The following MCF2L variants were observed in gnomAD, a reference collection of about 807,000 sequenced individuals.
MCF2L encodes the protein guanine nucleotide exchange factor DBS.
A neutral mutation model predicts 153.4 loss-of-function variants in MCF2L; 97 were observed. The ratio of observed to expected loss-of-function variants is 0.63; its 90% confidence interval spans 0.54 to 0.75. The LOEUF (loss-of-function observed/expected upper bound fraction) is 0.75. Ranked by LOEUF, MCF2L falls within the 30% of genes least tolerant of loss-of-function variation. MCF2L has a pLI of 0.00. For synonymous variants in MCF2L, 659 were observed against 632.2 expected (o/e 1.04, Z -0.64); for missense variants, 1,347 against 1,495.2 (o/e 0.90, Z 1.64).
chr13:112,989,665 G>A (rs1358743808), intron 1 of MCF2L, among the ~76,000 whole-genome samples: 3 of 77,058 alleles, frequency 3.9e-5, no homozygotes, highest in East Asian at 4.3e-4. Context: ...TACCACACCC[G>A]AGTCCTCCCT....
intron 2 of MCF2L, chr13:112,917,488 G>T (rs552759090): frequency 7.5e-5 from 23 of 307,930 alleles, no homozygotes; most frequent in African/African-American, 1.1e-4. Flanking sequence ...CCTCCCCACC[G>T]CCGTCTCGCA....
intron 2 of MCF2L, among the ~76,000 whole-genome samples, chr13:112,959,956 A>G (rs996377116): frequency 2.0e-5 from 3 of 152,340 alleles, no homozygotes; most frequent in Non-Finnish European, 4.4e-5. Context: ...TGACGGCAGC[A>G]GCACCTCCTG....
At chr13:113,009,634 G>A (rs537910604) in intron 1 of MCF2L, 2 of 152,320 alleles carry the variant, frequency 1.3e-5, no homozygotes, top group Admixed American at 1.3e-4. Context: ...CGGGGATGCT[G>A]GCCTCCTGGG....
At chr13:113,004,727 G>A (rs1250932226) in intron 1 of MCF2L, among the ~76,000 whole-genome samples, 3 of 152,256 alleles carry the variant, frequency 2.0e-5, no homozygotes, top group African/African-American at 4.8e-5. Context: ...CAGGGCCAGT[G>A]AGTGTCTTTC....
intron 2 of MCF2L, among the ~76,000 whole-genome samples, chr13:112,930,953 A>G (rs938023445): frequency 4.6e-5 from 7 of 152,180 alleles, no homozygotes. Context: ...ATAAATAAAT[A>G]GTAAAAATCA....
At chr13:112,936,451 G>A (rs978640469) in intron 2 of MCF2L, among the ~76,000 whole-genome samples, 3 of 152,224 alleles carry the variant, frequency 2.0e-5, no homozygotes, top group Middle Eastern at 3.4e-3. Flanking sequence ...ACCCTCTGCC[G>A]TCTAATGCAG....
intron 20 of MCF2L, 57 bp downstream of exon 20, chr13:113,085,235 G>A (rs2034518338): frequency 3.9e-6 from 6 of 1,539,786 alleles, no homozygotes; most frequent in South Asian, 2.3e-5. Context: ...CCAGGTGTCT[G>A]TGCCGCCCTG....
intron 27 of MCF2L, chr13:113,095,390 G>T (rs1372966132): frequency 2.7e-6 from 3 of 1,125,578 alleles, no homozygotes; most frequent in Non-Finnish European, 3.3e-6. Flanking sequence ...GAAGGCCTGG[G>T]CGTGAGAACA....
chr13:112,979,636 C>A (rs751001072), intron 1 of MCF2L: 1 of 1,612,478 alleles, frequency 6.2e-7, no homozygotes, highest in South Asian at 1.1e-5. Flanking sequence ...GCTGCCTCCG[C>A]TTTGTAGCAG....
intron 2 of MCF2L, among the ~76,000 whole-genome samples, chr13:112,963,240 A>G (rs1034191707): frequency 1.3e-5 from 2 of 152,174 alleles, no homozygotes; most frequent in African/African-American, 4.8e-5. Context: ...ACTGGGGCCC[A>G]GGCATGTCTC....
Position 113,032,347 on chromosome 13 carries a change from AT to A in MCF2L, c.278+7592del, listed in dbSNP as rs1277536489. Among the ~76,000 whole-genome samples the A allele has an allele frequency of 3.3e-5, 5 of 152,272 alleles. No homozygotes were observed. In the East Asian group the frequency reaches 9.7e-4, roughly 29 times the overall value. On this transcript the variant is annotated intron_variant, in intron 3 of 29. Coordinates refer to ENST00000535094, the MANE Select transcript of MCF2L (RefSeq NM_001112732.3). ...TGAGCGTGTGTGAGCGTGCTAAACA[AT>A]TTAATACGTGTGCATTAAAAAGTGA...
intron 29 of MCF2L, 49 bp from the exon 30 acceptor site, chr13:113,096,725 G>A (rs1442914707): frequency 8.4e-6 from 13 of 1,552,486 alleles, no homozygotes; most frequent in South Asian, 8.2e-5. Context: ...CCCCGTGTGT[G>A]CCCGGCAGAG....
chr13:112,964,506 TG>T (rs1198932770), upstream of MCF2L, among the ~76,000 whole-genome samples: 1 of 152,240 alleles, frequency 6.6e-6, no homozygotes, highest in Non-Finnish European at 1.5e-5. Context: ...ATAAAAATCA[TG>T]TACAGATTTC....
chr13:113,010,061 TC>T (rs1343660117), intron 1 of MCF2L: 2 of 152,330 alleles, frequency 1.3e-5, no homozygotes, highest in East Asian at 3.8e-4. Flanking sequence ...CTGGGCCTCT[TC>T]CTGCTGCCAG....
chr13:113,071,994 A>G (rs2032966582), intron 9 of MCF2L, among the ~76,000 whole-genome samples: 1 of 152,240 alleles, frequency 6.6e-6, no homozygotes, highest in South Asian at 2.1e-4. Context: ...GTCAACAAAC[A>G]TGGTATTCCC....
intron 1 of MCF2L, among the ~76,000 whole-genome samples, chr13:112,901,566 C>T (rs2081119915): frequency 6.6e-6 from 1 of 152,192 alleles, no homozygotes; most frequent in Non-Finnish European, 1.5e-5. Flanking sequence ...CACGGAAAGG[C>T]ACCACAGGTC....
At chr13:113,077,339 T>C (rs1292119172) in intron 13 of MCF2L, 128 bp downstream of exon 13, 4 of 1,115,912 alleles carry the variant, frequency 3.6e-6, no homozygotes, top group Non-Finnish European at 4.9e-6. Flanking sequence ...CCCTTCCACC[T>C]CCGGGCCCCA....
rs73572831 is a variant in MCF2L, at chr13:112,920,528, G to A, written c.169+18157G>A. ...TGAAACTAGATGCCTGTGGATGGCC[G>A]GTGACCCCAGAACGCAGGACAGGAT... On this transcript the variant is annotated intron_variant, in intron 2 of 29. Transcript: ENST00000375608. Among the ~76,000 whole-genome samples the A allele has an allele frequency of 2.4e-3, 363 of 152,216 alleles. 3 individuals are homozygous for A. Among genetic ancestry groups the A allele is most frequent in the African/African-American group, 8.3e-3 (343 of 41,532 alleles).
chr13:113,055,897 G>A (rs1330914990), intron 4 of MCF2L, among the ~76,000 whole-genome samples: 5 of 152,224 alleles, frequency 3.3e-5, no homozygotes, highest in Admixed American at 6.5e-5. Flanking sequence ...ACTTCCCTGG[G>A]GGCCGAGGCT....
Sources: allele counts gnomAD v4.1 joint callset (sites outside exome capture counted in the v4.1 genomes callset), GRCh38; gene constraint gnomAD v4.1.1; transcripts MANE v1.5; gene names NCBI Gene and HGNC (gene_info 2026-07-23, HGNC 2026-07-21).